CDH12: variants seen among roughly 807,000 people sequenced by gnomAD.
CDH12 encodes the protein cadherin-12.
A neutral mutation model predicts 74.1 loss-of-function variants in CDH12; 41 were observed. The observed-to-expected ratio is 0.55, with a 90% CI of 0.43 to 0.72. CDH12 has a LOEUF of 0.72. CDH12 is among the 30% of genes least tolerant of loss of function. The pLI is 0.00. For synonymous variants in CDH12, 399 were observed against 355.0 expected, an observed-to-expected ratio of 1.12 and a Z score of -1.39; for missense variants, 945 against 977.2, an observed-to-expected ratio of 0.97 and a Z score of 0.44.
rs1009138026 is a variant in CDH12, at chr5:22,125,435, T to A, written c.-186-46573A>T. 3.3e-5 allele frequency among the ~76,000 whole-genome samples: 5 copies of A among 152,290 alleles called. No individual in the cohort carries two copies. The East Asian group carries it at 9.7e-4, about 29-fold the overall frequency. On this transcript the variant is annotated intron_variant, in intron 4 of 14. Transcript: ENST00000382254. ...TTCATTCATGTCCCTGCAAAAGACA[T>A]TAATTCTTTCTTTTTAATGGCTGCA...
rs182934569 is a variant in CDH12, at chr5:22,029,009, G to A, written c.231+49437C>T. 6.1e-3 allele frequency among the ~76,000 whole-genome samples: 926 copies of A among 152,196 alleles called. 2 individuals carry two copies. The highest frequency in any genetic ancestry group is 0.021 in the African/African-American group (890 of 41,522). On this transcript the variant is annotated intron_variant, in intron 5 of 14. Coordinates refer to ENST00000382254, the MANE Select transcript of CDH12 (RefSeq NM_004061.5). ...CAAACCTGAGAAAAACAAGCAATGG[G>A]GAAAGGATTCCCTATTTAACAAATG... is the stretch of plus-strand genomic sequence containing the variant.
In CDH12 at chr5:22,185,122, C is replaced by A. The variant is rs548473649; in HGVS notation, c.-187+27376G>T. On this transcript the variant is annotated intron_variant, in intron 4 of 14. Coordinates refer to ENST00000382254, the MANE Select transcript of CDH12 (RefSeq NM_004061.5). ...TGTGTGCTTATAAATCTTCCTTCTC[C>A]CTTCTACTTCTGGCAAATAAAACAT... Among the ~76,000 whole-genome samples, 4 of 152,214 alleles carry A rather than the reference C, an allele frequency of 2.6e-5. No individual in the cohort carries two copies. The East Asian group carries it at 7.7e-4, about 29-fold the overall frequency.
chr5:22,194,166 A>G (rs1750469929), intron 4 of CDH12, among the ~76,000 whole-genome samples: 7 of 152,126 alleles, frequency 4.6e-5, no homozygotes, highest in Admixed American at 4.6e-4. Flanking sequence ...GCTGGCCCCT[A>G]GCCAATGGTA....
At chr5:22,355,225 C>A (rs561945191) in intron 3 of CDH12, among the ~76,000 whole-genome samples, 5 of 152,146 alleles carry the variant, frequency 3.3e-5, no homozygotes, top group Admixed American at 3.3e-4. Context: ...TGGGTGATAT[C>A]TTCCTTTTCA....
chr5:22,498,800 T>G (rs534776892), intron 2 of CDH12, among the ~76,000 whole-genome samples: 1 of 151,462 alleles, frequency 6.6e-6, no homozygotes, highest in South Asian at 2.1e-4. Flanking sequence ...TAAATCAAAC[T>G]AATTATTTTC....
chr5:22,742,764 A>T (rs1419367379), intron 1 of CDH12, among the ~76,000 whole-genome samples: 1 of 150,482 alleles, frequency 6.6e-6, no homozygotes, highest in Non-Finnish European at 1.5e-5. Context: ...AATTTCAAAT[A>T]GATATAAACA....
chr5:21,817,158 T>G, intron 8 of CDH12, 26 bp from the exon 9 acceptor site: 1 of 1,521,172 alleles, frequency 6.6e-7, no homozygotes, highest in East Asian at 2.3e-5. Flanking sequence ...AAATTTGAAT[T>G]GACAGTGGGG....
intron 1 of CDH12, among the ~76,000 whole-genome samples, chr5:22,777,283 A>C (rs770490041): frequency 2.0e-5 from 3 of 152,140 alleles, no homozygotes; most frequent in Non-Finnish European, 2.9e-5. Flanking sequence ...ATTGCATTAC[A>C]CTTAGTGTAT....
chr5:22,806,348 AT>A, intron 1 of CDH12, among the ~76,000 whole-genome samples: 1 of 139,554 alleles, frequency 7.2e-6, no homozygotes, highest in East Asian at 2.1e-4. Flanking sequence ...AATGATTGCC[AT>A]TCTTTTTTTT....
intron 7 of CDH12, among the ~76,000 whole-genome samples, chr5:21,844,904 G>A (rs1007463911): frequency 2.6e-5 from 4 of 152,010 alleles, no homozygotes; most frequent in African/African-American, 7.2e-5. Flanking sequence ...CTACAATTTC[G>A]AAGACTATCT....
intron 5 of CDH12, among the ~76,000 whole-genome samples, chr5:22,072,559 TG>T (rs1413887197): frequency 6.6e-6 from 1 of 151,318 alleles, no homozygotes; most frequent in African/African-American, 2.4e-5. Flanking sequence ...TGTGTGTGTG[TG>T]TGTGTGTTTA....
chr5:21,949,407 G>A (rs1349106620), intron 6 of CDH12, among the ~76,000 whole-genome samples: 5 of 145,566 alleles, frequency 3.4e-5, no homozygotes, highest in Admixed American at 1.4e-4. Flanking sequence ...CCGAGATCAC[G>A]CCACTGCACT....
chr5:22,022,416 T>C (rs1299081179), intron 5 of CDH12, among the ~76,000 whole-genome samples: 1 of 152,154 alleles, frequency 6.6e-6, no homozygotes, highest in Admixed American at 6.6e-5. Flanking sequence ...ACCATGATTG[T>C]TAAGTTTCCT....
chr5:21,873,449 T>C (rs565924128), intron 6 of CDH12, among the ~76,000 whole-genome samples: 11 of 152,288 alleles, frequency 7.2e-5, no homozygotes, highest in East Asian at 1.9e-4. Context: ...GGAATTGCTA[T>C]TGCCATTTAA....
intron 1 of CDH12, among the ~76,000 whole-genome samples, chr5:22,516,574 C>T (rs185317162): frequency 2.0e-5 from 3 of 152,076 alleles, no homozygotes; most frequent in South Asian, 2.1e-4. Context: ...GTGGGTGGAT[C>T]GCTTGTGTCC....
At chr5:22,191,969 T>C (rs546978252) in intron 4 of CDH12, among the ~76,000 whole-genome samples, 1 of 152,262 alleles carries the variant, frequency 6.6e-6, no homozygotes, top group South Asian at 2.1e-4. Flanking sequence ...AGAGGCTTGG[T>C]CTGTCTCCCA....
At chr5:22,240,411 T>G (rs778800981) in intron 3 of CDH12, among the ~76,000 whole-genome samples, 11 of 152,138 alleles carry the variant, frequency 7.2e-5, no homozygotes, top group Non-Finnish European at 1.5e-4. Context: ...AGGAGGTAAT[T>G]CTAAACCTGA....
chr5:22,397,832 T>C (rs1254432825), intron 3 of CDH12, among the ~76,000 whole-genome samples: 3 of 152,008 alleles, frequency 2.0e-5, no homozygotes, highest in African/African-American at 7.2e-5. Context: ...TCCAATATGA[T>C]TGATGCCCTT....
At chr5:21,894,311 G>A (rs139858398) in intron 6 of CDH12, among the ~76,000 whole-genome samples, 249 of 151,078 alleles carry the variant, frequency 1.6e-3, no homozygotes, top group African/African-American at 5.6e-3. Context: ...CCCGGGAGGC[G>A]GAGTTTGCAG....
Sources: allele counts gnomAD v4.1 joint callset (sites outside exome capture counted in the v4.1 genomes callset), GRCh38; gene constraint gnomAD v4.1.1; transcripts MANE v1.5; gene names NCBI Gene and HGNC (gene_info 2026-07-23, HGNC 2026-07-21).